DNMBP: variants seen among roughly 807,000 people sequenced by gnomAD.
DNMBP encodes dynamin binding protein.
In DNMBP, 87 loss-of-function variants were observed where a neutral mutation model predicts 150.0. The observed-to-expected ratio is 0.58, with a 90% CI of 0.49 to 0.69. The LOEUF (loss-of-function observed/expected upper bound fraction) is 0.69. Ranked by LOEUF, DNMBP falls within the 30% of genes least tolerant of loss-of-function variation. DNMBP has a pLI of 0.00. For synonymous variants in DNMBP, 711 were observed against 750.4 expected, an observed-to-expected ratio of 0.95 and a Z score of 0.86; for missense variants, 1,774 against 1,949.0, an observed-to-expected ratio of 0.91 and a Z score of 1.69.
chr10:99,955,552 G>A lies in DNMBP; in HGVS notation c.1922C>T (p.Pro641Leu). 2.5e-6 allele frequency: 4 copies of A among 1,601,234 alleles called. No individual in the cohort carries two copies. The highest frequency in any genetic ancestry group is 3.4e-6 in the Non-Finnish European group (4 of 1,174,134). The part of the protein sequence containing the change: ...LKPAPPLVVR[P>L]SRPAPLPPSA... Reference sequence around the variant, plus strand: ...GGGAGGCAGGGGAGCTGGGCGAGAGGGTCGCACCACCAAGGGTGGTGCAGG... The same window carrying A: ...GGGAGGCAGGGGAGCTGGGCGAGAGAGTCGCACCACCAAGGGTGGTGCAGG... The change falls in exon 4 of 17, where the codon CCC (proline) becomes CTC (leucine). Residue 641 changes from proline (P) to leucine (L), a missense_variant. Around this residue, in one of 2 missense-constraint regions of DNMBP, gnomAD observed 1,430 missense variants for 1,492.5 expected, o/e 0.96. Coordinates refer to ENST00000324109, the MANE Select transcript of DNMBP (RefSeq NM_015221.4).
chr10:99,946,179 A>T (rs2040355661), intron 4 of DNMBP, among the ~76,000 whole-genome samples: 1 of 152,214 alleles, frequency 6.6e-6, no homozygotes, highest in Non-Finnish European at 1.5e-5. Context: ...GCTGGTCTCA[A>T]ATTCCTGACC....
At chr10:99,992,046 G>A (rs1219567880) in intron 1 of DNMBP, among the ~76,000 whole-genome samples, 1 of 151,958 alleles carries the variant, frequency 6.6e-6, no homozygotes, top group Non-Finnish European at 1.5e-5. Flanking sequence ...AGACCAGCCT[G>A]GGCAACATAG....
At chr10:100,003,326 G>A (rs866981358) in intron 1 of DNMBP, among the ~76,000 whole-genome samples, 4 of 151,372 alleles carry the variant, frequency 2.6e-5, no homozygotes, top group African/African-American at 4.9e-5. Flanking sequence ...CAGCCTGGGC[G>A]ACAGAGCGAG....
chr10:99,930,482 G>A (rs965473863), intron 4 of DNMBP: 34 of 702,786 alleles, frequency 4.8e-5, no homozygotes, highest in East Asian at 1.1e-4. Flanking sequence ...CATGACCTCC[G>A]TGGTACACAC....
chr10:99,885,022 A>G (rs1009295982), intron 14 of DNMBP, among the ~76,000 whole-genome samples: 1 of 152,190 alleles, frequency 6.6e-6, no homozygotes, highest in African/African-American at 2.4e-5. Flanking sequence ...GCCTTATGCT[A>G]ATTTTTAAAA....
Position 99,885,747 on chromosome 10 carries a change from C to T in DNMBP, c.3738G>A (p.Lys1246=). 1 of 1,600,832 alleles carries T rather than the reference C, an allele frequency of 6.2e-7. No individual in the cohort carries two copies. Among genetic ancestry groups the T allele is most frequent in the South Asian group, 1.1e-5 (1 of 88,704 alleles). The change falls in exon 14 of 17, where the codon AAG becomes AAA. Residue 1246 remains lysine (K), a synonymous_variant. Transcript: ENST00000324109. ...TFFPESLPAT[K]KPFERKTIDR... is the part of the protein sequence containing the mutation. ...CAATGGTTTTCCTCTCAAATGGCTT[C>T]TTGGTAGCTGGAAGAGACTCCGGGA...
intron 2 of DNMBP, among the ~76,000 whole-genome samples, chr10:99,970,129 G>A (rs142314967): frequency 5.3e-5 from 8 of 152,166 alleles, no homozygotes; most frequent in African/African-American, 9.6e-5. Context: ...CCTTCAACAA[G>A]CAATCCTCTC....
chr10:99,885,946 T>A (rs74155713), intron 13 of DNMBP, 80 bp from the exon 14 acceptor site: 2 of 1,323,868 alleles, frequency 1.5e-6, no homozygotes, highest in African/African-American at 3.0e-5. Flanking sequence ...GAAAACATGA[T>A]GAAAGATCCC....
At chr10:100,005,778 A>ACC (rs550677586) in intron 1 of DNMBP, among the ~76,000 whole-genome samples, 1 of 128,928 alleles carries the variant, frequency 7.8e-6, no homozygotes, top group Non-Finnish European at 1.6e-5. Context: ...AAAAAAAAAA[A>ACC]AAAAAACCAA....
intron 15 of DNMBP, among the ~76,000 whole-genome samples, chr10:99,880,800 G>A (rs888222075): frequency 2.6e-5 from 4 of 152,226 alleles, no homozygotes; most frequent in African/African-American, 9.6e-5. Flanking sequence ...GGAAAAGACC[G>A]AGTTAAGAAC....
At chr10:99,965,868 T>C (rs560902829) in intron 3 of DNMBP, among the ~76,000 whole-genome samples, 2 of 152,216 alleles carry the variant, frequency 1.3e-5, no homozygotes, top group East Asian at 1.9e-4. Context: ...ACAGACACAC[T>C]GATCTAATGG....
Position 99,903,335 on chromosome 10 carries a change from G to T in DNMBP, c.2555-3269C>A, listed in dbSNP as rs539192237. Among the ~76,000 whole-genome samples the T allele has an allele frequency of 5.8e-3, 867 of 150,714 alleles. 6 individuals carry two copies. Among genetic ancestry groups the T allele is most frequent in the South Asian group, 0.018 (85 of 4,752 alleles). On this transcript the variant is annotated intron_variant, in intron 6 of 16. Transcript: ENST00000324109. ...TCATCTTCACGGCCACTTTTTTTTTGTTTTGTTTTTTTTTAAGAGATGGGG... is the reference window on the plus strand; with the variant it reads ...TCATCTTCACGGCCACTTTTTTTTTTTTTTGTTTTTTTTTAAGAGATGGGG...
At chr10:99,939,341 T>C (rs2040269303) in intron 4 of DNMBP, among the ~76,000 whole-genome samples, 1 of 152,242 alleles carries the variant, frequency 6.6e-6, no homozygotes, top group East Asian at 1.9e-4. Flanking sequence ...GCTTACCTCC[T>C]TTTATTATAC....
chr10:99,877,336 C>A lies in DNMBP; in HGVS notation c.4549G>T (p.Val1517Phe). The A allele has an allele frequency of 6.2e-7, 1 of 1,608,270 alleles. No individual in the cohort carries two copies. Among genetic ancestry groups the A allele is most frequent in the South Asian group, 1.1e-5 (1 of 90,004 alleles). Residue 1517 changes from valine to phenylalanine, a missense_variant and splice_region_variant, in exon 17 of 17, where the codon GTC (valine) becomes TTC (phenylalanine). Val to Phe is a conservative substitution (Grantham distance 50). This residue lies in a region of DNMBP where 1,430 missense variants were observed against 1,492.5 expected (regional missense o/e 0.96). Coordinates refer to ENST00000324109, the MANE Select transcript of DNMBP (RefSeq NM_015221.4). ...TTGAAGGTGTAGACAGCAAAATAGACCTGTGTGAGGGAGAGAGAGAAAATG... is the reference window on the plus strand; with the variant it reads ...TTGAAGGTGTAGACAGCAAAATAGAACTGTGTGAGGGAGAGAGAGAAAATG... Reference protein sequence around the residue: ...PDGSEAEGNQVYFAVYTFKAR... With the variant: ...PDGSEAEGNQFYFAVYTFKAR...
chr10:99,964,546 C>A (rs1470558490), intron 3 of DNMBP, among the ~76,000 whole-genome samples: 4 of 146,186 alleles, frequency 2.7e-5, no homozygotes, highest in African/African-American at 1.0e-4. Context: ...TTTGATTCTT[C>A]TTCTAAGAGA....
chr10:99,905,543 C>A (rs575731286), intron 6 of DNMBP, among the ~76,000 whole-genome samples: 2 of 152,186 alleles, frequency 1.3e-5, no homozygotes, highest in South Asian at 4.2e-4. Flanking sequence ...GGCAACAGAG[C>A]AAGACCTCAT....
chr10:99,912,116 T>G (rs1253141637), intron 4 of DNMBP, among the ~76,000 whole-genome samples: 2 of 152,190 alleles, frequency 1.3e-5, no homozygotes, highest in Non-Finnish European at 2.9e-5. Flanking sequence ...AAATCCAGGC[T>G]TGGAGAGGCT....
At chr10:99,900,230 T>TA (rs1483666771) in intron 6 of DNMBP, among the ~76,000 whole-genome samples, 164 bp from the exon 7 acceptor site, 4 of 152,196 alleles carry the variant, frequency 2.6e-5, no homozygotes, top group African/African-American at 9.6e-5. Context: ...TCTAACAGCT[T>TA]AAAGTTGTAA....
intron 12 of DNMBP, among the ~76,000 whole-genome samples, chr10:99,887,543 A>G (rs1482865624): frequency 2.0e-5 from 3 of 151,908 alleles, no homozygotes; most frequent in African/African-American, 7.2e-5. Context: ...AAAATTATAA[A>G]TTTTTCTCTT....
Sources: gnomAD v4.1 joint callset for allele counts (sites outside exome capture counted in the v4.1 genomes callset) on GRCh38, gnomAD v4.1.1 for gene constraint, gnomAD v4.1.1 regional missense constraint, MANE v1.5 for transcripts, NCBI Gene and HGNC (gene_info 2026-07-23, HGNC 2026-07-21) for gene names.